The following TLK1 variants were observed in gnomAD, a reference collection of about 807,000 sequenced individuals.
TLK1 encodes the protein serine/threonine-protein kinase tousled-like 1.
TLK1 carries 24 observed loss-of-function variants against 105.3 expected under a neutral mutation model. The ratio of observed to expected loss-of-function variants is 0.23; its 90% CI spans 0.17 to 0.32. TLK1 has a LOEUF of 0.32. TLK1 is among the 10% of genes least tolerant of loss of function. TLK1 has a pLI of 1.00. For synonymous variants in TLK1, 321 were observed against 310.4 expected, an observed-to-expected ratio of 1.03 and a Z score of -0.36; for missense variants, 558 against 910.5, an observed-to-expected ratio of 0.61 and a Z score of 4.98.
intron 1 of TLK1, among the ~76,000 whole-genome samples, chr2:171,229,670 C>T (rs1462768954): frequency 7.9e-5 from 12 of 152,210 alleles, no homozygotes. Flanking sequence ...GCAAACTTTG[C>T]ATTTGCACAA....
At chr2:171,093,140 G>A (rs1268284962) in intron 2 of TLK1, among the ~76,000 whole-genome samples, 2 of 152,130 alleles carry the variant, frequency 1.3e-5, no homozygotes, top group African/African-American at 4.8e-5. Flanking sequence ...TATAATAAAA[G>A]GATTTCATTC....
At position 171,160,412 on chromosome 2, in the gene TLK1, C is replaced by G. The variant is rs779601504; in HGVS notation, c.17G>C (p.Ser6Thr). The change falls in exon 1 of 21, where the codon AGC becomes ACC. Residue 6 changes from serine (S) to threonine (T), a missense_variant. Transcript: ENST00000431350. This position sits in a 1 kb window ranked among gnomAD's most constrained non-coding sequence, Gnocchi z 4.4. ...TGGCGGCCCCTCCAAACTTCCACTG[C>G]TACTTTGGACACTCATCAAGCTACT... is the stretch of plus-strand genomic sequence containing the variant. MSVQS[S>T]SGSLEGPPSW... The G allele has an allele frequency of 6.2e-7, 1 of 1,603,104 alleles. No individual in the cohort carries two copies. Among genetic ancestry groups the G allele is most frequent in the Admixed American group, 1.7e-5 (1 of 58,622 alleles).
chr2:171,004,210 G>A (rs979450513), intron 18 of TLK1, among the ~76,000 whole-genome samples: 3 of 152,048 alleles, frequency 2.0e-5, no homozygotes, highest in Non-Finnish European at 4.4e-5. Flanking sequence ...TGATCCGCCC[G>A]CCTCAGCCTC....
chr2:171,003,273 C>CAAAAAAAAAA lies in TLK1; in HGVS notation c.1904+2864_1904+2873dup, dbSNP rs777049271. Among the ~76,000 whole-genome samples, 87 of 68,474 alleles carry CAAAAAAAAAA rather than the reference C, an allele frequency of 1.3e-3. 2 individuals carry two copies. The highest frequency in any genetic ancestry group is 3.4e-3 in the African/African-American group (42 of 12,220). 44.9% of individuals were successfully genotyped at this position (68,474 alleles called of 152,430 possible). On this transcript the variant is annotated intron_variant, in intron 18 of 20. Coordinates refer to ENST00000431350, the MANE Select transcript of TLK1 (RefSeq NM_012290.5). ...TGGGCGACAGAGCAAGACTCCGTCT[C>CAAAAAAAAAA]AAAAAAAAAAAAAAAAAAAAAAAAA...
chr2:171,046,092 T>G (rs995382403), intron 11 of TLK1, 82 bp downstream of exon 11: 36 of 1,233,596 alleles, frequency 2.9e-5, no homozygotes, highest in Middle Eastern at 3.0e-4. Flanking sequence ...ATCTAAGTAT[T>G]AATTATAAAT....
chr2:171,211,113 T>C (rs1405466256), intron 1 of TLK1, among the ~76,000 whole-genome samples: 1 of 152,196 alleles, frequency 6.6e-6, no homozygotes, highest in Non-Finnish European at 1.5e-5. Flanking sequence ...CCATGTTACA[T>C]TCTTAGATAC....
chr2:171,164,315 T>C (rs1692567826), upstream of TLK1, among the ~76,000 whole-genome samples: 1 of 152,184 alleles, frequency 6.6e-6, no homozygotes, highest in Non-Finnish European at 1.5e-5. Flanking sequence ...CTTCAAAGAA[T>C]ACCAGAGAAG....
chr2:171,056,605 G>C, intron 5 of TLK1, 39 bp from the exon 6 acceptor site: 1 of 1,514,882 alleles, frequency 6.6e-7, no homozygotes, highest in South Asian at 1.1e-5. Flanking sequence ...ATTTACTAAA[G>C]CAGGCTCAGA....
At chr2:171,186,754 T>C (rs1230852454) in intron 1 of TLK1, among the ~76,000 whole-genome samples, 2 of 152,040 alleles carry the variant, frequency 1.3e-5, no homozygotes, top group African/African-American at 4.8e-5. Flanking sequence ...TGATGAAAGA[T>C]GAATGATAAA....
chr2:171,223,582 C>T lies in TLK1; in HGVS notation c.-6+7563G>A, dbSNP rs987655348. ...GCAACCTCCACTTCCTGAGTTCAAG[C>T]GATTCTCCTGCCTCAGCCTCCTGAG... On this transcript the variant is annotated intron_variant, in intron 1 of 20. Coordinates refer to the TLK1 transcript ENST00000521943. 2.1e-4 allele frequency among the ~76,000 whole-genome samples: 31 copies of T among 148,882 alleles called. 1 individual carries two copies. The highest frequency in any genetic ancestry group is 8.1e-4 in the Admixed American group (12 of 14,804).
intron 1 of TLK1, among the ~76,000 whole-genome samples, chr2:171,126,833 C>T (rs1323377086): frequency 2.0e-5 from 3 of 151,432 alleles, no homozygotes; most frequent in Non-Finnish European, 4.4e-5. Context: ...TAATACTTTA[C>T]ATATTATACT....
intron 12 of TLK1, among the ~76,000 whole-genome samples, chr2:171,017,813 G>A (rs1685280800): frequency 1.3e-5 from 2 of 152,146 alleles, no homozygotes; most frequent in Non-Finnish European, 1.5e-5. Context: ...TGGATTCTGG[G>A]TATTTAGAAG....
chr2:171,171,497 T>A, intron 1 of TLK1, among the ~76,000 whole-genome samples: 1 of 132,480 alleles, frequency 7.5e-6, no homozygotes, highest in Non-Finnish European at 1.6e-5. Context: ...TACACTGCCC[T>A]CATCTCCAAA....
At position 171,014,891 on chromosome 2, in the gene TLK1, T is replaced by C. The variant is rs759798214; in HGVS notation, c.1294A>G (p.Ile432Val). ...TTGTTTATTCTTTTCAGCTCACGTA[T>C]GTGAAGATTTCTGACTCTTTCCAAA... The part of the protein sequence containing the change: ...ERLERVRNLH[I>V]RELKRINNED... The change falls in exon 13 of 21, where the codon ATA (isoleucine) becomes GTA (valine). Residue 432 changes from isoleucine to valine, a missense_variant. This residue lies in a region of TLK1 where 218 missense variants were observed against 492.9 expected (regional missense o/e 0.44). Coordinates refer to ENST00000431350, the MANE Select transcript of TLK1 (RefSeq NM_012290.5). 10 of 1,613,866 alleles carry C rather than the reference T, an allele frequency of 6.2e-6. No individual in the cohort carries two copies. Among genetic ancestry groups the C allele is most frequent in the African/African-American group, 2.7e-5 (2 of 74,920 alleles).
At chr2:171,214,401 G>C (rs760503504) in intron 1 of TLK1, among the ~76,000 whole-genome samples, 7 of 152,100 alleles carry the variant, frequency 4.6e-5, no homozygotes, top group African/African-American at 1.7e-4. Context: ...TGACATGTGC[G>C]CATGCATGGC....
At chr2:170,994,633 C>T (rs569371726) in intron 20 of TLK1, 5 of 510,374 alleles carry the variant, frequency 9.8e-6, no homozygotes, top group Non-Finnish European at 2.0e-5. Context: ...ATCTATGTAA[C>T]TGGCAACCAG....
At chr2:171,223,860 G>A (rs533609359) in intron 1 of TLK1, among the ~76,000 whole-genome samples, 19 of 149,554 alleles carry the variant, frequency 1.3e-4, no homozygotes, top group Admixed American at 2.0e-4. Context: ...GTTATTCATC[G>A]CTTGTTAGAT....
intron 3 of TLK1, among the ~76,000 whole-genome samples, chr2:171,063,642 T>C (rs1341489117): frequency 6.6e-6 from 1 of 152,112 alleles, no homozygotes; most frequent in Non-Finnish European, 1.5e-5. Context: ...CAAAATAAAA[T>C]GTAAAGTTCA....
At chr2:171,070,969 C>A (rs184589911) in intron 3 of TLK1, among the ~76,000 whole-genome samples, 4 of 151,846 alleles carry the variant, frequency 2.6e-5, no homozygotes, top group Non-Finnish European at 5.9e-5. Flanking sequence ...GCCATTTTAA[C>A]TGGGGTGAGA....
Sources: allele counts gnomAD v4.1 joint callset (sites outside exome capture counted in the v4.1 genomes callset), GRCh38; gene constraint gnomAD v4.1.1; regional missense constraint gnomAD v4.1.1; non-coding constraint Gnocchi (gnomAD v3.1); transcripts MANE v1.5; gene names NCBI Gene and HGNC (gene_info 2026-07-23, HGNC 2026-07-21).